EYS: variants seen among roughly 807,000 people sequenced by gnomAD.
EYS encodes protein eyes shut homolog.
Under a neutral mutation model 282.1 loss-of-function variants are expected in EYS, and 250 were observed. That is an observed-to-expected ratio of 0.89 (90% CI 0.80 to 0.98). The LOEUF is 0.98. Ranked by LOEUF, EYS falls within the 50% of genes least tolerant of loss-of-function variation. The probability of loss-of-function intolerance (pLI) is 0.00; values close to 1 mark genes in which losing one functional copy is unlikely to be tolerated. For missense variants in EYS, 4,016 were observed against 3,709.0 expected (o/e 1.08, Z -2.15); for synonymous variants, 1,355 against 1,282.9 (o/e 1.06, Z -1.20).
At chr6:64,749,100 A>C (rs1368248823) in intron 22 of EYS, among the ~76,000 whole-genome samples, 1 of 152,202 alleles carries the variant, frequency 6.6e-6, no homozygotes, top group Non-Finnish European at 1.5e-5. Flanking sequence ...CTTTGCTCCA[A>C]AGATTCAGGT....
intron 22 of EYS, among the ~76,000 whole-genome samples, chr6:64,707,499 C>G (rs1771065128): frequency 1.3e-5 from 2 of 151,900 alleles, no homozygotes; most frequent in Non-Finnish European, 2.9e-5. Context: ...GAAACCCTGT[C>G]TCTACTAAGA....
intron 32 of EYS, among the ~76,000 whole-genome samples, chr6:64,079,367 G>A (rs1002116615): frequency 3.3e-5 from 5 of 151,976 alleles, no homozygotes; most frequent in African/African-American, 1.2e-4. Flanking sequence ...TTAATTTAAT[G>A]TTAAAAACTA....
chr6:64,244,376 A>T lies in EYS; in HGVS notation c.6192-13552T>A, dbSNP rs373710641. ...GATTCTGTTGAAAATTCACTTGTTA[A>T]GTCCAGTTATCAGTTCTGTAGGAAA... On this transcript the variant is annotated intron_variant, in intron 30 of 42. Coordinates refer to ENST00000503581, the MANE Select transcript of EYS (RefSeq NM_001142800.2). 3.9e-5 allele frequency among the ~76,000 whole-genome samples: 6 copies of T among 152,100 alleles called. No individual in the cohort carries two copies. In the East Asian group the frequency reaches 7.7e-4, roughly 20 times the overall value.
In EYS at chr6:64,187,488, T is replaced by C. The variant is rs547846513; in HGVS notation, c.6424+43104A>G. On this transcript the variant is annotated intron_variant, in intron 31 of 42. Transcript: ENST00000503581. ...GAAATACAAACTTCAAATTACTAAA[T>C]GGTTAAATACAAGGAAAAAAGAAAA... Among the ~76,000 whole-genome samples the C allele has an allele frequency of 2.6e-5, 4 of 152,062 alleles. No homozygotes were observed. In the East Asian group the frequency reaches 7.7e-4, roughly 29 times the overall value.
chr6:65,631,531 G>C (rs1015296818), intron 2 of EYS, among the ~76,000 whole-genome samples: 11 of 151,634 alleles, frequency 7.3e-5, no homozygotes, highest in Non-Finnish European at 1.5e-5. Flanking sequence ...TGGGAGGTGA[G>C]TTTTACTTGA....
intron 29 of EYS, among the ~76,000 whole-genome samples, chr6:64,309,030 A>G (rs904266663): frequency 2.0e-5 from 3 of 152,100 alleles, no homozygotes; most frequent in Non-Finnish European, 4.4e-5. Context: ...AAAGTTTATG[A>G]CTATGTCTCC....
chr6:64,804,075 C>T (rs1308523096), intron 22 of EYS, among the ~76,000 whole-genome samples: 1 of 152,166 alleles, frequency 6.6e-6, no homozygotes, highest in Non-Finnish European at 1.5e-5. Context: ...CAGCCAGTGT[C>T]TTTGCAGTGG....
intron 13 of EYS, among the ~76,000 whole-genome samples, chr6:65,057,228 A>G (rs910134308): frequency 3.3e-5 from 5 of 152,096 alleles, no homozygotes; most frequent in African/African-American, 1.2e-4. Context: ...ACACTGAAAA[A>G]TTAAACAGAT....
At chr6:65,042,042 A>G (rs1299867743) in intron 13 of EYS, among the ~76,000 whole-genome samples, 1 of 151,650 alleles carries the variant, frequency 6.6e-6, no homozygotes, top group East Asian at 1.9e-4. Flanking sequence ...ATTATTTCTC[A>G]TGAATCTGCA....
chr6:64,758,675 C>G (rs1340319204), intron 22 of EYS, among the ~76,000 whole-genome samples: 1 of 152,196 alleles, frequency 6.6e-6, no homozygotes, highest in Non-Finnish European at 1.5e-5. Flanking sequence ...CACACTACAT[C>G]TCTTTTGACA....
At chr6:64,688,191 A>C (rs1038635964) in intron 22 of EYS, among the ~76,000 whole-genome samples, 1 of 151,470 alleles carries the variant, frequency 6.6e-6, no homozygotes, top group African/African-American at 2.4e-5. Context: ...GGATTCATTG[A>C]TTTTTTTAAT....
At chr6:63,785,083 A>G (rs1362953915) in intron 39 of EYS, among the ~76,000 whole-genome samples, 1 of 152,202 alleles carries the variant, frequency 6.6e-6, no homozygotes, top group Non-Finnish European at 1.5e-5. Context: ...TGACCCAGGG[A>G]CCACATTTTG....
At chr6:64,521,852 G>C (rs1777750348) in intron 26 of EYS, among the ~76,000 whole-genome samples, 1 of 151,768 alleles carries the variant, frequency 6.6e-6, no homozygotes, top group African/African-American at 2.4e-5. Context: ...CATATAATGA[G>C]AGCTTTGACT....
chr6:63,817,217 T>C (rs925982844), intron 36 of EYS, among the ~76,000 whole-genome samples: 1 of 152,184 alleles, frequency 6.6e-6, no homozygotes, highest in Non-Finnish European at 1.5e-5. Flanking sequence ...CCACAAGAGA[T>C]AGTCAAAAGG....
intron 33 of EYS, among the ~76,000 whole-genome samples, chr6:64,060,912 C>T (rs1771144504): frequency 6.6e-6 from 1 of 152,104 alleles, no homozygotes; most frequent in Non-Finnish European, 1.5e-5. Flanking sequence ...GATCTTAAAC[C>T]ATGCATTTCT....
At chr6:64,448,344 A>G (rs949357508) in intron 26 of EYS, among the ~76,000 whole-genome samples, 1 of 152,204 alleles carries the variant, frequency 6.6e-6, no homozygotes, top group Non-Finnish European at 1.5e-5. Context: ...TGAGTAGGTA[A>G]ACAAAGTGGC....
intron 33 of EYS, among the ~76,000 whole-genome samples, chr6:64,062,794 AAC>A (rs1562180694): frequency 6.6e-6 from 1 of 152,044 alleles, no homozygotes; most frequent in Admixed American, 6.6e-5. Context: ...CAATTAATTA[AAC>A]ACACTGAAAT....
intron 28 of EYS, among the ~76,000 whole-genome samples, chr6:64,393,027 C>T (rs577335918): frequency 1.3e-5 from 2 of 152,302 alleles, no homozygotes; most frequent in South Asian, 4.1e-4. Context: ...AGTAGAAAAT[C>T]TAGAAGAAAT....
At chr6:64,238,827 C>T (rs766773554) in intron 30 of EYS, among the ~76,000 whole-genome samples, 6 of 151,992 alleles carry the variant, frequency 3.9e-5, no homozygotes, top group Admixed American at 2.0e-4. Context: ...TAGGTATATA[C>T]GTGCCATGGT....
Sources: gnomAD v4.1 joint callset for allele counts (sites outside exome capture counted in the v4.1 genomes callset) on GRCh38, gnomAD v4.1.1 for gene constraint, MANE v1.5 for transcripts, NCBI Gene and HGNC (gene_info 2026-07-23, HGNC 2026-07-21) for gene names.